The following SLA variants were observed in gnomAD, a reference collection of about 807,000 sequenced individuals.
The protein encoded by SLA is src-like-adapter.
Under a neutral mutation model 30.3 loss-of-function variants are expected in SLA, and 16 were observed. The ratio of observed to expected loss-of-function variants is 0.53; its 90% CI spans 0.36 to 0.80. The LOEUF is 0.80. Ranked by LOEUF, SLA falls within the 30% of genes least tolerant of loss-of-function variation. The pLI, the probability that SLA is intolerant of heterozygous loss-of-function variation, is 0.01. For missense variants in SLA, 310 were observed against 345.2 expected (o/e 0.90, Z 0.81); for synonymous variants, 143 against 137.8 (o/e 1.04, Z -0.26).
chr8:133,043,712 C>T (rs780668777), intron 7 of SLA, among the ~76,000 whole-genome samples: 1 of 152,174 alleles, frequency 6.6e-6, no homozygotes, highest in Non-Finnish European at 1.5e-5. Flanking sequence ...CACTGCTTCT[C>T]GTGGGCCAGC....
chr8:133,100,905 C>T (rs986092825), intron 1 of SLA, among the ~76,000 whole-genome samples: 8 of 152,144 alleles, frequency 5.3e-5, no homozygotes, highest in African/African-American at 1.2e-4. Flanking sequence ...TCTTACTTTA[C>T]GTTATCTCAA....
chr8:133,044,539 G>A (rs1383382936), intron 7 of SLA, among the ~76,000 whole-genome samples: 3 of 152,182 alleles, frequency 2.0e-5, no homozygotes, highest in South Asian at 2.1e-4. Flanking sequence ...TGAGCACAGC[G>A]AAGACAGGTA....
At position 133,102,314 on chromosome 8, in the gene SLA, C is replaced by T. The variant is rs75876934; in HGVS notation, c.-319+239G>A. The T allele has an allele frequency of 1.8e-3, 850 of 460,340 alleles. 15 individuals are homozygous for T. The East Asian group carries it at 0.025, about 14-fold the overall frequency. The allele number at this position is 460,340 out of a possible 1,614,324, so 28.5% of individuals were successfully genotyped here. ...TATCAGCTGGATCCCAGTCCACAAA[C>T]ACATGCAGTGCAGCTTCCCAGGGAA... On this transcript the variant is annotated intron_variant, in intron 1 of 8. Coordinates refer to ENST00000338087, the MANE Select transcript of SLA (RefSeq NM_001045556.3).
intron 2 of SLA, among the ~76,000 whole-genome samples, chr8:133,069,501 T>TTG (rs200445909): frequency 0.041 from 6,180 of 152,260 alleles, 390 homozygotes; most frequent in African/African-American, 0.13. Context: ...TGCTCCTCCT[T>TTG]AGCTCCTGTT....
chr8:133,094,954 G>A (rs1468538110), intron 1 of SLA: 2 of 1,578,194 alleles, frequency 1.3e-6, no homozygotes, highest in Admixed American at 3.3e-5. Flanking sequence ...GAGGAAGGAT[G>A]CAGAACCCTG....
chr8:133,093,143 T>TC (rs55977841), intron 1 of SLA, among the ~76,000 whole-genome samples: 4,688 of 93,520 alleles, frequency 0.05, 247 homozygotes, highest in African/African-American at 0.14. Context: ...TCTTTTCTTT[T>TC]TTTTTTTTAA....
rs144510512 is a variant in SLA at position 133,054,240 on chromosome 8, G to A, written c.62-3325C>T. ...GATAAATGAGTGAGGCAGAGAAGAG[G>A]AGAGTTGAGGAAGTCAGTGGAATTA... On this transcript the variant is annotated intron_variant, in intron 3 of 8. Coordinates refer to ENST00000338087, the MANE Select transcript of SLA (RefSeq NM_001045556.3). 9.9e-5 allele frequency among the ~76,000 whole-genome samples: 15 copies of A among 152,264 alleles called. No individual in the cohort carries two copies. In the East Asian group the frequency reaches 2.9e-3, roughly 29 times the overall value.
rs2131043284 is a variant in SLA at position 133,038,052 on chromosome 8, A to T, written c.*472T>A. 5.9e-6 allele frequency: 1 copy of T among 169,524 alleles called. No homozygotes were observed. The highest frequency in any genetic ancestry group is 1.8e-4 in the East Asian group (1 of 5,702). The allele number at this position is 169,524 out of a possible 1,614,324, so 10.5% of individuals were successfully genotyped here. On this transcript the variant is annotated 3_prime_UTR_variant, in exon 9 of 9. Coordinates refer to ENST00000338087, the MANE Select transcript of SLA (RefSeq NM_001045556.3). ...CCTATGGATTAGTTAAAGTAGTTCCATTCAGGGCACCCATCTGCAAACCCA... is the reference window on the plus strand; with the variant it reads ...CCTATGGATTAGTTAAAGTAGTTCCTTTCAGGGCACCCATCTGCAAACCCA...
intron 1 of SLA, among the ~76,000 whole-genome samples, chr8:133,085,568 AG>A (rs1176083994): frequency 6.6e-6 from 1 of 152,232 alleles, no homozygotes; most frequent in East Asian, 1.9e-4. Context: ...ATTTCTCCAA[AG>A]AAGATGTACA....
At chr8:133,041,699 C>G (rs1838273714) in intron 7 of SLA, among the ~76,000 whole-genome samples, 1 of 152,016 alleles carries the variant, frequency 6.6e-6, no homozygotes, top group Non-Finnish European at 1.5e-5. Flanking sequence ...AAAAGAACCA[C>G]CACTCATAAG....
intron 5 of SLA, chr8:133,049,676 T>C: frequency 1.9e-6 from 1 of 539,686 alleles, no homozygotes; most frequent in Admixed American, 3.1e-5. Flanking sequence ...AGCTGAAAGG[T>C]CCAACTTCCT....
At chr8:133,095,121 G>A (rs759193550) in intron 1 of SLA, 1 of 1,614,084 alleles carries the variant, frequency 6.2e-7, no homozygotes, top group Non-Finnish European at 8.5e-7. Flanking sequence ...TGGCAAAGGA[G>A]GTCAGTTGCC....
At chr8:133,093,549 C>G (rs1475269108) in intron 1 of SLA, among the ~76,000 whole-genome samples, 1 of 152,158 alleles carries the variant, frequency 6.6e-6, no homozygotes, top group East Asian at 1.9e-4. Flanking sequence ...TTCTGAGAAG[C>G]CCAGAGCCAT....
chr8:133,047,791 C>G (rs775398970), intron 6 of SLA, 39 bp downstream of exon 6: 1 of 1,128,472 alleles, frequency 8.9e-7, no homozygotes. Context: ...ACATGCTTGT[C>G]TGCCCCGGAT....
intron 1 of SLA, among the ~76,000 whole-genome samples, chr8:133,100,239 G>T (rs960480763): frequency 1.1e-4 from 17 of 151,938 alleles, no homozygotes; most frequent in African/African-American, 4.1e-4. Context: ...CTCCCTTCAG[G>T]GTCTGCTTAT....
chr8:133,097,282 C>G (rs868769308), intron 1 of SLA, among the ~76,000 whole-genome samples: 1 of 152,274 alleles, frequency 6.6e-6, no homozygotes, highest in African/African-American at 2.4e-5. Context: ...ATATATTTCA[C>G]CTTGGGGACT....
At chr8:133,084,545 A>G (rs917952831) in intron 1 of SLA, among the ~76,000 whole-genome samples, 1 of 152,216 alleles carries the variant, frequency 6.6e-6, no homozygotes, top group Non-Finnish European at 1.5e-5. Context: ...TCAAGTGCCA[A>G]GCATTTAAAT....
At chr8:133,093,279 T>A (rs746099085) in intron 1 of SLA, among the ~76,000 whole-genome samples, 12 of 152,204 alleles carry the variant, frequency 7.9e-5, no homozygotes, top group Non-Finnish European at 1.6e-4. Flanking sequence ...GGTCATTGAA[T>A]TCCAGGCCTT....
At chr8:133,041,088 A>G (rs1296098170) in intron 7 of SLA, among the ~76,000 whole-genome samples, 1 of 152,162 alleles carries the variant, frequency 6.6e-6, no homozygotes, top group Non-Finnish European at 1.5e-5. Context: ...GATTGAGGAA[A>G]TTCTGCACAG....
Sources: gnomAD v4.1 joint callset for allele counts (sites outside exome capture counted in the v4.1 genomes callset) on GRCh38, gnomAD v4.1.1 for gene constraint, MANE v1.5 for transcripts, NCBI Gene and HGNC (gene_info 2026-07-23, HGNC 2026-07-21) for gene names.